The following DROSHA variants were observed in gnomAD, a reference collection of about 807,000 sequenced individuals.
DROSHA encodes the protein ribonuclease 3.
DROSHA carries 56 observed loss-of-function variants against 181.9 expected under a neutral mutation model. The ratio of observed to expected loss-of-function variants is 0.31; its 90% CI spans 0.25 to 0.38. The LOEUF (loss-of-function observed/expected upper bound fraction) is 0.38, where lower values mean the gene tolerates loss of function less well. Among genes scored for constraint, DROSHA ranks in the 10% least tolerant of loss-of-function variants. The pLI is 1.00. For missense variants in DROSHA, 1,218 were observed against 1,743.5 expected, an observed-to-expected ratio of 0.70 and a Z score of 5.37; for synonymous variants, 524 against 591.2, an observed-to-expected ratio of 0.89 and a Z score of 1.65.
chr5:31,479,136 A>T (rs1006473105), intron 16 of DROSHA, among the ~76,000 whole-genome samples: 3 of 149,164 alleles, frequency 2.0e-5, no homozygotes, highest in African/African-American at 4.9e-5. Flanking sequence ...ATCTGAGTTT[A>T]AAAAAAAAAG....
chr5:31,484,657 G>A (rs866292347), intron 15 of DROSHA, among the ~76,000 whole-genome samples: 2 of 152,202 alleles, frequency 1.3e-5, no homozygotes, highest in East Asian at 1.9e-4. Context: ...TCTTCAAGCC[G>A]CTACCAGCTA....
chr5:31,528,910 G>T, intron 4 of DROSHA, 130 bp downstream of exon 4: 1 of 1,259,110 alleles, frequency 7.9e-7, no homozygotes. Flanking sequence ...TGTGCCCACT[G>T]TTGAAAGAAT....
chr5:31,493,347 T>A, intron 12 of DROSHA, 54 bp from the exon 13 acceptor site: 1 of 1,481,364 alleles, frequency 6.8e-7, no homozygotes, highest in Non-Finnish European at 9.2e-7. Context: ...ATGAGTTGCA[T>A]ATGCAGAAAT....
intron 29 of DROSHA, 145 bp from the exon 30 acceptor site, chr5:31,421,522 G>A: frequency 1.5e-6 from 1 of 652,792 alleles, no homozygotes; most frequent in African/African-American, 1.8e-5. Context: ...AATTCCCTAA[G>A]GCCCCTCGAT....
chr5:31,528,213 G>T (rs139089083), intron 4 of DROSHA, among the ~76,000 whole-genome samples: 1 of 152,012 alleles, frequency 6.6e-6, no homozygotes. Flanking sequence ...TGCTTCAATT[G>T]ACATCAATCT....
At chr5:31,426,914 G>A (rs892999702) in intron 27 of DROSHA, among the ~76,000 whole-genome samples, 1 of 152,044 alleles carries the variant, frequency 6.6e-6, no homozygotes, top group African/African-American at 2.4e-5. Context: ...AAAGCAGTAG[G>A]GTAGCAATTC....
intron 5 of DROSHA, among the ~76,000 whole-genome samples, chr5:31,525,454 A>C (rs1354721802): frequency 2.1e-5 from 3 of 143,498 alleles, no homozygotes; most frequent in Non-Finnish European, 4.5e-5. Flanking sequence ...CAGTGAGCTG[A>C]GATCTCGCCA....
At chr5:31,528,158 C>T (rs1740815509) in intron 4 of DROSHA, among the ~76,000 whole-genome samples, 1 of 152,128 alleles carries the variant, frequency 6.6e-6, no homozygotes, top group Admixed American at 6.6e-5. Context: ...CTAGCCCAGG[C>T]ACTCTGCTCA....
At chr5:31,471,811 C>T (rs1399904396) in intron 17 of DROSHA, among the ~76,000 whole-genome samples, 3 of 152,160 alleles carry the variant, frequency 2.0e-5, no homozygotes, top group African/African-American at 2.4e-5. Flanking sequence ...CAATCTGCAA[C>T]ATGCGTCAAA....
At chr5:31,426,112 T>C (rs1168508138) in intron 27 of DROSHA, among the ~76,000 whole-genome samples, 1 of 152,070 alleles carries the variant, frequency 6.6e-6, no homozygotes, top group African/African-American at 2.4e-5. Context: ...GATTCCTCCT[T>C]TCATGTCTGC....
chr5:31,431,494 A>T (rs2150002166), intron 26 of DROSHA, 82 bp downstream of exon 26: 1 of 1,424,106 alleles, frequency 7.0e-7, no homozygotes, highest in East Asian at 2.3e-5. Flanking sequence ...TTCTGTCCCA[A>T]GTTTCCACAC....
chr5:31,414,678 T>G (rs976097953), intron 30 of DROSHA, among the ~76,000 whole-genome samples: 1 of 152,248 alleles, frequency 6.6e-6, no homozygotes, highest in Non-Finnish European at 1.5e-5. Context: ...GTTGCTGTGT[T>G]ATTCACAACA....
In DROSHA at chr5:31,451,651, A is replaced by G; in HGVS notation, c.2575-11T>C. ...TAGCATCATTGCATGCTAGGAAAAAAAAAATTCAATATGTTTAACTTTATA... is the reference window on the plus strand; with the variant it reads ...TAGCATCATTGCATGCTAGGAAAAAGAAAATTCAATATGTTTAACTTTATA... On this transcript the variant is annotated splice_polypyrimidine_tract_variant and intron_variant, in intron 20 of 35. Coordinates refer to ENST00000344624, the MANE Select transcript of DROSHA (RefSeq NM_001382508.1). 6.3e-7 allele frequency: 1 copy of G among 1,588,928 alleles called. No homozygotes were observed. Among genetic ancestry groups the G allele is most frequent in the Non-Finnish European group, 8.6e-7 (1 of 1,164,272 alleles).
At chr5:31,435,277 C>T (rs1290762051) in intron 25 of DROSHA, among the ~76,000 whole-genome samples, 1 of 152,140 alleles carries the variant, frequency 6.6e-6, no homozygotes, top group Non-Finnish European at 1.5e-5. Flanking sequence ...CAGCCTAAAC[C>T]CTAAATCTTA....
intron 23 of DROSHA, among the ~76,000 whole-genome samples, chr5:31,446,521 A>G (rs927189409): frequency 4.0e-5 from 6 of 151,638 alleles, no homozygotes; most frequent in African/African-American, 1.2e-4. Flanking sequence ...TAAATTTTGC[A>G]AAAGATGTGT....
At chr5:31,486,746 G>C in intron 13 of DROSHA, 184 bp from the exon 14 acceptor site, 2 of 528,728 alleles carry the variant, frequency 3.8e-6, no homozygotes, top group East Asian at 6.3e-5. Context: ...CAAGAACCCA[G>C]CTGGCCTGGC....
intron 21 of DROSHA, among the ~76,000 whole-genome samples, chr5:31,450,694 G>T (rs948006161): frequency 1.3e-5 from 2 of 152,060 alleles, no homozygotes; most frequent in Non-Finnish European, 2.9e-5. Context: ...GTGTTGGGAG[G>T]GGGGTGAGGG....
At chr5:31,507,573 G>A (rs760383939) in intron 10 of DROSHA, among the ~76,000 whole-genome samples, 31 of 151,838 alleles carry the variant, frequency 2.0e-4, no homozygotes, top group Admixed American at 1.1e-3. Context: ...CCGTTATTGC[G>A]CCAGTGCACT....
At chr5:31,424,991 T>G (rs2149997915) in intron 27 of DROSHA, among the ~76,000 whole-genome samples, 3 of 152,298 alleles carry the variant, frequency 2.0e-5, no homozygotes, top group Admixed American at 2.0e-4. Flanking sequence ...AATGTTCACT[T>G]GAACTACTGG....
Sources: gnomAD v4.1 joint callset for allele counts (sites outside exome capture counted in the v4.1 genomes callset) on GRCh38, gnomAD v4.1.1 for gene constraint, MANE v1.5 for transcripts, NCBI Gene and HGNC (gene_info 2026-07-23, HGNC 2026-07-21) for gene names.